PRKN: variants seen among roughly 807,000 people sequenced by gnomAD.
PRKN encodes the protein parkin RBR E3 ubiquitin protein ligase.
In PRKN, 56 loss-of-function variants were observed where a neutral mutation model predicts 59.5. That is an observed-to-expected ratio of 0.94 (90% confidence interval 0.76 to 1.18). The LOEUF is 1.18. PRKN is among the 50% of genes most tolerant of loss of function. The pLI is 0.00. For synonymous variants in PRKN, 250 were observed against 222.1 expected (o/e 1.13, Z -1.12); for missense variants, 657 against 596.4 (o/e 1.10, Z -1.06).
intron 1 of PRKN, among the ~76,000 whole-genome samples, chr6:162,483,333 G>A (rs1792389160): frequency 6.6e-6 from 1 of 152,092 alleles, no homozygotes; most frequent in Non-Finnish European, 1.5e-5. Flanking sequence ...TCTTATGTGT[G>A]GTGGAGGTAA....
intron 7 of PRKN, among the ~76,000 whole-genome samples, chr6:161,605,720 G>A (rs1054285108): frequency 6.6e-6 from 1 of 152,080 alleles, no homozygotes; most frequent in African/African-American, 2.4e-5. Flanking sequence ...ACGTTGGCCA[G>A]GCTGGTCTCG....
At chr6:161,686,664 A>G (rs1785568518) in intron 7 of PRKN, among the ~76,000 whole-genome samples, 1 of 152,174 alleles carries the variant, frequency 6.6e-6, no homozygotes, top group Admixed American at 6.5e-5. Context: ...CTTCCTATCC[A>G]TACACAGGGC....
Position 161,369,768 on chromosome 6 carries a change from TA to T in PRKN, c.1168-9564del, listed in dbSNP as rs1180161437. On this transcript the variant is annotated intron_variant, in intron 10 of 11. Transcript: ENST00000366898. The surrounding 1 kb of genome is among the most constrained non-coding windows in gnomAD (Gnocchi z 5.8). The stretch of plus-strand genomic sequence containing the variant: ...CATAAATATATATATGAAACATCTA[TA>T]ATATACTTATATATAGATGTTTCAT... Among the ~76,000 whole-genome samples the T allele has an allele frequency of 1.3e-5, 2 of 151,334 alleles. No individual in the cohort carries two copies. Among genetic ancestry groups the T allele is most frequent in the African/African-American group, 4.9e-5 (2 of 41,226 alleles).
At chr6:162,554,955 C>G (rs1340448546) in intron 1 of PRKN, among the ~76,000 whole-genome samples, 1 of 152,154 alleles carries the variant, frequency 6.6e-6, no homozygotes, top group Non-Finnish European at 1.5e-5. Context: ...GAATTCTGTG[C>G]TACACCTATT....
At chr6:162,656,668 A>G (rs1487109745) in intron 1 of PRKN, among the ~76,000 whole-genome samples, 1 of 152,192 alleles carries the variant, frequency 6.6e-6, no homozygotes, top group African/African-American at 2.4e-5. Flanking sequence ...CAATGAGAGT[A>G]TTAGTTTTGA....
intron 1 of PRKN, among the ~76,000 whole-genome samples, chr6:162,559,769 A>G (rs1227327318): frequency 6.6e-6 from 1 of 152,214 alleles, no homozygotes; most frequent in South Asian, 2.1e-4. Context: ...ATTCCTCACC[A>G]GTATTCCTTA....
At chr6:161,772,586 C>CT (rs1789742254) in intron 7 of PRKN, among the ~76,000 whole-genome samples, 3 of 152,168 alleles carry the variant, frequency 2.0e-5, no homozygotes, top group Admixed American at 1.3e-4. Flanking sequence ...GCAATGAACT[C>CT]TGCTTTTTAC....
chr6:161,512,852 A>G (rs890104942), intron 9 of PRKN, among the ~76,000 whole-genome samples: 4 of 152,234 alleles, frequency 2.6e-5, no homozygotes, highest in African/African-American at 9.6e-5. Context: ...AAGGTGGCAC[A>G]GCTTTTTCCC....
At chr6:162,505,967 GCAA>G (rs1484753287) in intron 1 of PRKN, among the ~76,000 whole-genome samples, 2 of 152,238 alleles carry the variant, frequency 1.3e-5, no homozygotes, top group Non-Finnish European at 2.9e-5. Context: ...GGAGGCAGGG[GCAA>G]CAAGTTCCTA....
chr6:161,534,665 A>T (rs1436800890), intron 9 of PRKN, among the ~76,000 whole-genome samples: 1 of 152,242 alleles, frequency 6.6e-6, no homozygotes, highest in East Asian at 1.9e-4. Context: ...TCTTCCCATT[A>T]GATGACGTGT....
chr6:162,251,723 T>C (rs1779444943), intron 3 of PRKN, among the ~76,000 whole-genome samples: 1 of 152,212 alleles, frequency 6.6e-6, no homozygotes, highest in African/African-American at 2.4e-5. Context: ...ATATGGTTAG[T>C]TATTTTTTAT....
At chr6:162,563,910 T>C (rs1779953393) in intron 1 of PRKN, among the ~76,000 whole-genome samples, 1 of 151,814 alleles carries the variant, frequency 6.6e-6, no homozygotes, top group Admixed American at 6.6e-5. Flanking sequence ...TTTTAATAGC[T>C]GAACTGATCA....
intron 1 of PRKN, among the ~76,000 whole-genome samples, chr6:162,644,697 C>T (rs1419901279): frequency 3.3e-5 from 5 of 152,116 alleles, no homozygotes. Flanking sequence ...TACCACTAGG[C>T]AATGCTAACC....
chr6:162,143,382 T>A (rs948383948), intron 4 of PRKN, among the ~76,000 whole-genome samples: 1 of 152,186 alleles, frequency 6.6e-6, no homozygotes, highest in Non-Finnish European at 1.5e-5. Context: ...TGCCATAGAA[T>A]GTCTTGGACC....
chr6:161,798,496 A>T (rs537735489), intron 6 of PRKN, among the ~76,000 whole-genome samples: 1 of 152,330 alleles, frequency 6.6e-6, no homozygotes, highest in East Asian at 1.9e-4. Context: ...AATTTATATG[A>T]TCACAACATT....
At chr6:162,578,314 T>C (rs1443117853) in intron 1 of PRKN, among the ~76,000 whole-genome samples, 1 of 152,144 alleles carries the variant, frequency 6.6e-6, no homozygotes, top group Non-Finnish European at 1.5e-5. Context: ...TTAAATATAA[T>C]GTATTAAAAA....
intron 1 of PRKN, among the ~76,000 whole-genome samples, chr6:162,591,838 T>A (rs1279890602): frequency 6.7e-6 from 1 of 149,048 alleles, no homozygotes; most frequent in Non-Finnish European, 1.5e-5. Flanking sequence ...GTAATAATAA[T>A]CAAAATTAGT....
chr6:162,524,590 T>C (rs1778209013), intron 1 of PRKN, among the ~76,000 whole-genome samples: 1 of 152,196 alleles, frequency 6.6e-6, no homozygotes, highest in Admixed American at 6.5e-5. Flanking sequence ...ACTTTCATTT[T>C]TATGTGAATT....
intron 1 of PRKN, among the ~76,000 whole-genome samples, chr6:162,652,384 C>T (rs2849545): frequency 0.93 from 141,279 of 152,230 alleles, 65,788 homozygotes; most frequent in African/African-American, 0.98. Flanking sequence ...GGTTGTGTCA[C>T]AAGTGTTGTA....
Sources: gnomAD v4.1 joint callset for allele counts (sites outside exome capture counted in the v4.1 genomes callset) on GRCh38, gnomAD v4.1.1 for gene constraint, Gnocchi (gnomAD v3.1) non-coding constraint, MANE v1.5 for transcripts, NCBI Gene and HGNC (gene_info 2026-07-23, HGNC 2026-07-21) for gene names.